The following TENM2 variants were observed in gnomAD, a reference collection of about 807,000 sequenced individuals.
TENM2 encodes teneurin transmembrane protein 2, also known as teneurin-2.
Under a neutral mutation model 245.2 loss-of-function variants are expected in TENM2, and 52 were observed. That is an observed-to-expected ratio of 0.21 (90% CI 0.17 to 0.27). The LOEUF (loss-of-function observed/expected upper bound fraction) is 0.27. TENM2 is among the 10% of genes least tolerant of loss of function. The pLI, the probability that TENM2 is intolerant of heterozygous loss-of-function variation, is 1.00. For synonymous variants in TENM2, 1,363 were observed against 1,438.9 expected (o/e 0.95, Z 1.19); for missense variants, 3,046 against 3,666.8 (o/e 0.83, Z 4.37).
the TENM2 span, among the ~76,000 whole-genome samples, chr5:167,167,259 A>C: frequency 6.6e-6 from 1 of 152,204 alleles, no homozygotes; most frequent in Non-Finnish European, 1.5e-5. Context: ...TTCACAAGAT[A>C]AAATTAGGTT....
intron 19 of TENM2, 66 bp downstream of exon 21, chr5:168,204,687 G>A (rs1399411016): frequency 1.9e-6 from 3 of 1,568,918 alleles, no homozygotes; most frequent in Admixed American, 1.7e-5. Flanking sequence ...GTTTGATCGG[G>A]TAACTGGGGC....
In TENM2 at chr5:167,511,296, G is replaced by A. The variant is rs556017287; in HGVS notation, c.502+135823G>A. ...TCTTTAATTTTGGAGAGGCTCATAGGGTAAGAAAAAATTTCACTGAGAAGG... is the reference window on the plus strand; with the variant it reads ...TCTTTAATTTTGGAGAGGCTCATAGAGTAAGAAAAAATTTCACTGAGAAGG... On this transcript the variant is annotated intron_variant, in intron 2 of 28. Coordinates refer to ENST00000518659, the Ensembl canonical transcript of TENM2. Among the ~76,000 whole-genome samples the A allele has an allele frequency of 1.3e-4, 20 of 152,078 alleles. No homozygotes were observed. In the South Asian group the frequency reaches 4.0e-3, roughly 30 times the overall value.
At chr5:167,375,389 C>A (rs573201256) in exon 2 of TENM2, 3 of 1,551,662 alleles carry the variant, frequency 1.9e-6, no homozygotes, top group Non-Finnish European at 2.6e-6. Context: ...AAAATCCAGG[C>A]GCAGTTCCGG....
At chr5:167,730,861 G>A (rs1760374593) in intron 2 of TENM2, among the ~76,000 whole-genome samples, 1 of 152,132 alleles carries the variant, frequency 6.6e-6, no homozygotes, top group African/African-American at 2.4e-5. Flanking sequence ...CTAAATTTAT[G>A]CAACATGAAC....
chr5:168,172,338 C>T (rs551359510), intron 13 of TENM2, among the ~76,000 whole-genome samples: 7 of 152,332 alleles, frequency 4.6e-5, no homozygotes, highest in African/African-American at 4.8e-5. Flanking sequence ...TTTGAAAGGA[C>T]GTGATGTCCA....
chr5:167,231,696 C>A, the TENM2 span, among the ~76,000 whole-genome samples: 1 of 152,170 alleles, frequency 6.6e-6, no homozygotes, highest in East Asian at 1.9e-4. Context: ...AAATTGCAGC[C>A]TGACAATGCA....
At chr5:167,459,810 A>C (rs79146783) in intron 2 of TENM2, among the ~76,000 whole-genome samples, 2,586 of 152,114 alleles carry the variant, frequency 0.017, 68 homozygotes, top group East Asian at 0.073. Flanking sequence ...CCCATAAGTA[A>C]ATTTCCTAAA....
chr5:167,875,748 C>T (rs887930153), intron 2 of TENM2, among the ~76,000 whole-genome samples: 1 of 152,028 alleles, frequency 6.6e-6, no homozygotes, highest in Non-Finnish European at 1.5e-5. Context: ...TCCATTTGAG[C>T]TGTGTACATG....
chr5:168,133,196 G>A (rs1472888242), intron 12 of TENM2, among the ~76,000 whole-genome samples: 1 of 152,058 alleles, frequency 6.6e-6, no homozygotes, highest in East Asian at 1.9e-4. Flanking sequence ...AGTCATGTAG[G>A]GCTTTTTAAA....
intron 2 of TENM2, among the ~76,000 whole-genome samples, chr5:167,495,590 A>G (rs999064344): frequency 2.6e-5 from 4 of 152,116 alleles, no homozygotes; most frequent in African/African-American, 4.8e-5. Flanking sequence ...GAAGTGCCGA[A>G]TAATTGCTGG....
chr5:167,965,990 C>T (rs546270369), intron 4 of TENM2, among the ~76,000 whole-genome samples: 3 of 152,264 alleles, frequency 2.0e-5, no homozygotes, highest in African/African-American at 7.2e-5. Flanking sequence ...GAAGTCAATG[C>T]ATTACAAGTG....
At chr5:167,894,441 T>C (rs1775010041) in intron 3 of TENM2, among the ~76,000 whole-genome samples, 1 of 104,662 alleles carries the variant, frequency 9.6e-6, no homozygotes, top group Non-Finnish European at 2.1e-5. Flanking sequence ...GCTCCTTCCA[T>C]TCTCCTTTTC....
Position 168,195,551 on chromosome 5 carries a change from CGTGTGTGTGTGTGTGTGT to C in TENM2, c.2900+299_2900+316del, listed in dbSNP as rs35040257. Among the ~76,000 whole-genome samples, 586 of 98,236 alleles carry C rather than the reference CGTGTGTGTGTGTGTGTGT, an allele frequency of 6.0e-3. 3 individuals carry two copies. Among genetic ancestry groups the C allele is most frequent in the African/African-American group, 0.017 (456 of 27,158 alleles). The allele number at this position is 98,236 out of a possible 152,430, so 64.4% of individuals were successfully genotyped here. A position where few individuals can be genotyped will look rare whatever the true frequency, so the allele number is the denominator to read the frequency against. ...GTTTTTTTAATGTCAGGTCAATGCA[CGTGTGTGTGTGTGTGTGT>C]GTGTGTGTGTGTGTGTGTGTGTGTG... On this transcript the variant is annotated intron_variant, in intron 15 of 28. Coordinates refer to ENST00000518659, the Ensembl canonical transcript of TENM2.
At chr5:167,980,830 G>A (rs1782780381) in intron 4 of TENM2, among the ~76,000 whole-genome samples, 1 of 152,122 alleles carries the variant, frequency 6.6e-6, no homozygotes, top group African/African-American at 2.4e-5. Flanking sequence ...AGGCAAAGAG[G>A]AAATCAACTG....
chr5:167,302,660 G>A (rs1755410901), intron 1 of TENM2, among the ~76,000 whole-genome samples: 1 of 151,822 alleles, frequency 6.6e-6, no homozygotes, highest in Admixed American at 6.6e-5. Flanking sequence ...ATAAGGGACT[G>A]GGGGGTTCTT....
At chr5:167,120,749 C>T in the TENM2 span, among the ~76,000 whole-genome samples, 7 of 152,200 alleles carry the variant, frequency 4.6e-5, no homozygotes, top group Non-Finnish European at 1.0e-4. Flanking sequence ...CACTAGAGAT[C>T]ATCTAATGAA....
At chr5:167,824,902 G>T (rs749122605) in intron 2 of TENM2, among the ~76,000 whole-genome samples, 1 of 152,182 alleles carries the variant, frequency 6.6e-6, no homozygotes, top group Non-Finnish European at 1.5e-5. Flanking sequence ...GAGTCTGGGG[G>T]CTACCAGTTT....
At chr5:167,628,455 T>C (rs1205175257) in intron 2 of TENM2, among the ~76,000 whole-genome samples, 1 of 152,242 alleles carries the variant, frequency 6.6e-6, no homozygotes, top group Non-Finnish European at 1.5e-5. Context: ...TTATGCTTTG[T>C]ATGTTGACTC....
chr5:167,794,947 T>C (rs779501765), intron 2 of TENM2, among the ~76,000 whole-genome samples: 6 of 152,176 alleles, frequency 3.9e-5, no homozygotes, highest in Non-Finnish European at 5.9e-5. Flanking sequence ...GGAGACTGGG[T>C]GAAGGTTTCT....
Sources: gnomAD v4.1 joint callset for allele counts (sites outside exome capture counted in the v4.1 genomes callset) on GRCh38, gnomAD v4.1.1 for gene constraint, MANE v1.5 for transcripts, NCBI Gene and HGNC (gene_info 2026-07-23, HGNC 2026-07-21) for gene names.